IL23R: variants seen among roughly 807,000 people sequenced by gnomAD.
The protein encoded by IL23R is interleukin-23 receptor.
In IL23R, 34 loss-of-function variants were observed where a neutral mutation model predicts 56.9. That is an observed-to-expected ratio of 0.60 (90% confidence interval 0.45 to 0.80). IL23R has a LOEUF of 0.80. Ranked by LOEUF, IL23R falls within the 30% of genes least tolerant of loss-of-function variation. IL23R has a pLI of 0.00. For synonymous variants in IL23R, 230 were observed against 249.2 expected (o/e 0.92, Z 0.73); for missense variants, 635 against 730.0 (o/e 0.87, Z 1.50).
chr1:67,207,049 T>C lies in IL23R; in HGVS notation c.792T>C (p.Thr264=). 6.2e-7 allele frequency: 1 copy of C among 1,614,110 alleles called. No individual in the cohort carries two copies. Among genetic ancestry groups the C allele is most frequent in the East Asian group, 2.2e-5 (1 of 44,856 alleles). ...EMRYKATTNQ[T]WNVKEFDTNF... Reference sequence around the variant, plus strand: ...GATACAAGGCTACAACAAACCAAACTTGGAATGTAAGCTCAACTTTCATTA... The same window carrying C: ...GATACAAGGCTACAACAAACCAAACCTGGAATGTAAGCTCAACTTTCATTA... Residue 264 remains threonine, a synonymous_variant, in exon 6 of 11, where the codon ACT becomes ACC. Coordinates refer to ENST00000347310, the MANE Select transcript of IL23R (RefSeq NM_144701.3).
chr1:67,155,863 A>G (rs1646766388), intron 1 of IL23R, among the ~76,000 whole-genome samples: 1 of 152,208 alleles, frequency 6.6e-6, no homozygotes, highest in South Asian at 2.1e-4. Context: ...TTTGGAAGAT[A>G]AGAGGCATTC....
chr1:67,205,929 C>CTTTTTCTTTCTT (rs1649010672), intron 5 of IL23R, among the ~76,000 whole-genome samples: 4 of 116,306 alleles, frequency 3.4e-5, no homozygotes, highest in Admixed American at 9.3e-5. Flanking sequence ...CTTTCTTTTT[C>CTTTTTCTTTCTT]TTTCTTTCTT....
chr1:67,150,188 A>G (rs1007501602), intron 1 of IL23R, among the ~76,000 whole-genome samples: 1 of 150,700 alleles, frequency 6.6e-6, no homozygotes, highest in African/African-American at 2.4e-5. Flanking sequence ...TCTCCTCTGA[A>G]TTCCAGGTTC....
At chr1:67,168,754 T>C (rs1400894802) in intron 2 of IL23R, among the ~76,000 whole-genome samples, 3 of 152,196 alleles carry the variant, frequency 2.0e-5, no homozygotes, top group Non-Finnish European at 4.4e-5. Flanking sequence ...AGCTTTATAA[T>C]CTCTCGGTTC....
At chr1:67,230,939 T>C (rs1651061596) in intron 7 of IL23R, among the ~76,000 whole-genome samples, 1 of 152,128 alleles carries the variant, frequency 6.6e-6, no homozygotes, top group African/African-American at 2.4e-5. Flanking sequence ...GTGAAACAGC[T>C]GAATTATTAA....
intron 7 of IL23R, among the ~76,000 whole-genome samples, chr1:67,228,021 CCTT>C (rs1650794919): frequency 3.2e-5 from 1 of 31,706 alleles, no homozygotes; most frequent in African/African-American, 1.7e-4. Context: ...TTTCTTTCTT[CCTT>C]TCTTTCTTTT....
At chr1:67,256,229 G>A (rs1652941006) in intron 10 of IL23R, among the ~76,000 whole-genome samples, 1 of 152,190 alleles carries the variant, frequency 6.6e-6, no homozygotes, top group African/African-American at 2.4e-5. Flanking sequence ...AATGGTAGAT[G>A]TCTTCAGGAA....
chr1:67,158,460 A>G (rs1425159504), intron 1 of IL23R, among the ~76,000 whole-genome samples: 4 of 152,232 alleles, frequency 2.6e-5, no homozygotes, highest in South Asian at 2.1e-4. Context: ...GTAGTTTTGA[A>G]CTTATATTTA....
intron 6 of IL23R, chr1:67,207,260 A>G (rs1482933036): frequency 3.0e-6 from 2 of 659,854 alleles, no homozygotes; most frequent in Non-Finnish European, 2.7e-6. Flanking sequence ...TTACCTGGAT[A>G]TATTGCATGG....
At chr1:67,237,128 C>T (rs778786836) in intron 8 of IL23R, among the ~76,000 whole-genome samples, 8 of 152,126 alleles carry the variant, frequency 5.3e-5, no homozygotes, top group Non-Finnish European at 1.0e-4. Context: ...CTGCAACCTC[C>T]GCCTCCCAGG....
At chr1:67,142,340 A>C (rs1646645822) in intron 1 of IL23R, among the ~76,000 whole-genome samples, 1 of 152,168 alleles carries the variant, frequency 6.6e-6, no homozygotes, top group South Asian at 2.1e-4. Flanking sequence ...TTTAAAAGTA[A>C]AAGATAAACC....
At position 67,168,269 on chromosome 1, in the gene IL23R, T is replaced by A. The variant is rs1015527905; in HGVS notation, c.70+79T>A. 4.7e-6 allele frequency: 5 copies of A among 1,053,312 alleles called. No homozygotes were observed. In the African/African-American group the frequency reaches 6.3e-5, roughly 13 times the overall value. The allele number at this position is 1,053,312 out of a possible 1,614,324, so 65.2% of individuals were successfully genotyped here. On this transcript the variant is annotated intron_variant, in intron 2 of 10. Coordinates refer to ENST00000347310, the MANE Select transcript of IL23R (RefSeq NM_144701.3). ...AGTGATTATCATTTTCATGGTTTTA[T>A]GTTAGAATCTCTGAAGAATACAAAT...
At chr1:67,263,591 T>G (rs934070366), downstream of IL23R, among the ~76,000 whole-genome samples, 3 of 152,118 alleles carry the variant, frequency 2.0e-5, no homozygotes, top group African/African-American at 7.2e-5. Flanking sequence ...AAAAATTAAT[T>G]TTAGCAATTG....
Position 67,236,767 on chromosome 1 carries a change from C to T in IL23R, c.1010C>T (p.Thr337Ile). Residue 337 changes from threonine (T) to isoleucine (I), a missense_variant, in exon 8 of 11, where the codon ACA becomes ATA. Transcript: ENST00000347310. ...FQHDTWNSGL[T>I]VASISTGHLT... ...CATGACACATGGAATTCTGGGCTAA[C>T]AGTTGCTTCCATCTCTACAGGGCAC... 1.2e-6 allele frequency: 2 copies of T among 1,613,506 alleles called. No individual in the cohort carries two copies. Among genetic ancestry groups the T allele is most frequent in the Non-Finnish European group, 8.5e-7 (1 of 1,179,422 alleles).
At position 67,205,915 on chromosome 1, in the gene IL23R, C is replaced by CTT. The variant is rs1553291059; in HGVS notation, c.653-993_653-992dup. Among the ~76,000 whole-genome samples the CTT allele has an allele frequency of 4.1e-3, 501 of 123,222 alleles. 2 individuals are homozygous for CTT. Among genetic ancestry groups the CTT allele is most frequent in the South Asian group, 0.012 (42 of 3,454 alleles). The allele number at this position is 123,222 out of a possible 152,430, so 80.8% of individuals were successfully genotyped here. A position where few individuals can be genotyped will look rare whatever the true frequency, so the allele number is the denominator to read the frequency against. Reference sequence around the variant, plus strand: ...TCTTTCTTTCTTTCTTTCTTTCTTTCTTTCTTTCTTTTTCTTTCTTTCTTT... The same window carrying CTT: ...TCTTTCTTTCTTTCTTTCTTTCTTTCTTTTTCTTTCTTTTTCTTTCTTTCTTT... On this transcript the variant is annotated intron_variant, in intron 5 of 10. Transcript: ENST00000347310.
chr1:67,168,249 T>C (rs1355190492), intron 2 of IL23R, 59 bp downstream of exon 2: 26 of 1,187,086 alleles, frequency 2.2e-5, no homozygotes, highest in Non-Finnish European at 2.8e-5. Context: ...TATTGAGTGA[T>C]TATCATTTTC....
chr1:67,211,052 C>T (rs577515541), intron 6 of IL23R, among the ~76,000 whole-genome samples: 11 of 152,220 alleles, frequency 7.2e-5, no homozygotes, highest in East Asian at 1.9e-4. Flanking sequence ...AAATTCCTTA[C>T]GTCAACTTGT....
downstream of IL23R, among the ~76,000 whole-genome samples, chr1:67,260,775 T>C (rs1426230373): frequency 6.6e-6 from 1 of 152,158 alleles, no homozygotes. Context: ...TTCATGCCTA[T>C]AGTCCTAGCT....
chr1:67,241,167 T>A (rs1203244418), intron 9 of IL23R, among the ~76,000 whole-genome samples: 1 of 152,240 alleles, frequency 6.6e-6, no homozygotes, highest in Non-Finnish European at 1.5e-5. Context: ...TTTGAGAGAT[T>A]GACCAAAACT....
Sources: gnomAD v4.1 joint callset for allele counts (sites outside exome capture counted in the v4.1 genomes callset) on GRCh38, gnomAD v4.1.1 for gene constraint, MANE v1.5 for transcripts, NCBI Gene and HGNC (gene_info 2026-07-23, HGNC 2026-07-21) for gene names.